DCHS1: variants seen among roughly 807,000 people sequenced by gnomAD.
DCHS1 encodes the protein dachsous cadherin-related 1.
A neutral mutation model predicts 213.9 loss-of-function variants in DCHS1; 78 were observed. That is an observed-to-expected ratio of 0.36 (90% CI 0.30 to 0.44). The LOEUF (loss-of-function observed/expected upper bound fraction) is 0.44, where lower values mean the gene tolerates loss of function less well. Ranked by LOEUF, DCHS1 falls within the 20% of genes least tolerant of loss-of-function variation. The pLI, the probability that DCHS1 is intolerant of heterozygous loss-of-function variation, is 1.00. For synonymous variants in DCHS1, 1,828 were observed against 1,873.7 expected (o/e 0.98, Z 0.63); for missense variants, 3,946 against 4,395.9 (o/e 0.90, Z 2.89).
rs777488867 is a variant in DCHS1, at chr11:6,627,025, C to T, written c.6014G>A (p.Gly2005Asp). The T allele has an allele frequency of 3.7e-6, 6 of 1,613,514 alleles. No homozygotes were observed. The Admixed American group carries it at 6.7e-5, about 18-fold the overall frequency. ...CACAGTAGTGCCAGGAGGTGGTGTG[C>T]CTGCCAGCCGGTACAGAATGGAAGC... is the stretch of plus-strand genomic sequence containing the variant. ...ANASILYRLA[G>D]TPPPGTTVDS... Residue 2005 changes from glycine to aspartate, a missense_variant, in exon 14 of 21, where the codon GGC becomes GAC. Gly to Asp is a moderately conservative substitution (Grantham distance 94). Transcript: ENST00000299441. This position sits in a 1 kb window ranked among gnomAD's most constrained non-coding sequence, Gnocchi z 5.4.
intron 2 of DCHS1, among the ~76,000 whole-genome samples, chr11:6,638,788 G>A (rs1049928823): frequency 6.6e-6 from 1 of 152,098 alleles, no homozygotes; most frequent in Non-Finnish European, 1.5e-5. Flanking sequence ...ATCAAGGAAC[G>A]ATCTGTCACA....
Position 6,624,835 on chromosome 11 carries a change from C to T in DCHS1, c.7180G>A (p.Ala2394Thr). Residue 2394 changes from alanine to threonine, a missense_variant, in exon 20 of 21, where the codon GCC (alanine) becomes ACC (threonine). Transcript: ENST00000299441. ...TCAGTGGCAGAGACGGAGAGAATGG[C>T]ACTGCCTGGGGGTGTGTGCTCAAGC... ...MLLEHTPPGS[A>T]ILSVSATDRD... The T allele has an allele frequency of 6.2e-7, 1 of 1,613,888 alleles. No homozygotes were observed. The highest frequency in any genetic ancestry group is 1.3e-5 in the African/African-American group (1 of 75,034).
intron 1 of DCHS1, among the ~76,000 whole-genome samples, chr11:6,642,639 TG>T (rs1206810204): frequency 6.0e-4 from 6 of 9,942 alleles, no homozygotes; most frequent in Admixed American, 5.5e-3. Flanking sequence ...TGGGGTGGGG[TG>T]GGGGGGGCAT....
In DCHS1 at chr11:6,655,545, G is replaced by A. The variant is rs1564873970; in HGVS notation, c.-121+18C>T. 2.3e-5 allele frequency: 23 copies of A among 980,936 alleles called. No homozygotes were observed. Among genetic ancestry groups the A allele is most frequent in the Non-Finnish European group, 2.8e-5 (23 of 828,092 alleles). The allele number at this position is 980,936 out of a possible 1,614,324, so 60.8% of individuals were successfully genotyped here. On this transcript the variant is annotated intron_variant, in intron 1 of 20. Coordinates refer to ENST00000299441, the MANE Select transcript of DCHS1 (RefSeq NM_003737.4). ...GGGCGGGCGCGGCCAGACGGGCCGGGCGGGCGCGGGCACTGACCTCCGCGC... is the reference window on the plus strand; with the variant it reads ...GGGCGGGCGCGGCCAGACGGGCCGGACGGGCGCGGGCACTGACCTCCGCGC...
rs758453554 is a variant in DCHS1 at position 6,640,641 on chromosome 11, G to A, written c.973C>T (p.Arg325Trp). The change falls in exon 2 of 21, where the codon CGG (arginine) becomes TGG (tryptophan). Residue 325 changes from arginine (R) to tryptophan (W), a missense_variant. By Grantham distance (101) the Arg-to-Trp change is moderately radical (BLOSUM62 -3). Coordinates refer to ENST00000299441, the MANE Select transcript of DCHS1 (RefSeq NM_003737.4). This position sits in a 1 kb window ranked among gnomAD's most constrained non-coding sequence, Gnocchi z 6.5. ...TGCACCACCAGTTCATGGACCCGCC[G>A]CTGCTCAAAGTCCAGTGGCCGCTCT... ...QLERPLDFEQ[R>W]RVHELVVQAR... 6.9e-5 allele frequency: 112 copies of A among 1,611,956 alleles called. 1 individual carries two copies. In the South Asian group the frequency reaches 1.0e-3, roughly 15 times the overall value.
Position 6,640,661 on chromosome 11 carries a change from C to T in DCHS1, c.953G>A (p.Arg318Gln), listed in dbSNP as rs1388707336. The T allele has an allele frequency of 8.7e-6, 14 of 1,612,808 alleles. No homozygotes were observed. Among genetic ancestry groups the T allele is most frequent in the Admixed American group, 5.0e-5 (3 of 60,002 alleles). ...DAHTGLLQLE[R>Q]PLDFEQRRVH... ...CCGCCGCTGCTCAAAGTCCAGTGGC[C>T]GCTCTAACTGCAGCAGCCCCGTGTG... The change falls in exon 2 of 21, where the codon CGG (arginine) becomes CAG (glutamine). Residue 318 changes from arginine to glutamine, a missense_variant. This residue lies in a region of DCHS1 where 3,384 missense variants were observed against 3,780.1 expected (regional missense o/e 0.90). Transcript: ENST00000299441. The surrounding 1 kb of genome is among the most constrained non-coding windows in gnomAD (Gnocchi z 6.5).
At chr11:6,637,224 T>C (rs968981457) in intron 2 of DCHS1, among the ~76,000 whole-genome samples, 21 of 152,300 alleles carry the variant, frequency 1.4e-4, no homozygotes, top group Middle Eastern at 3.4e-3. Context: ...GTTTCTCAAA[T>C]TGGCACTACT....
rs768548375 is a variant in DCHS1 at position 6,626,117 on chromosome 11, C to T, written c.6577-43G>A. On this transcript the variant is annotated intron_variant, in intron 16 of 20. Coordinates refer to ENST00000299441, the MANE Select transcript of DCHS1 (RefSeq NM_003737.4). The surrounding 1 kb of genome is among the most constrained non-coding windows in gnomAD (Gnocchi z 5.2). ...CTGCTGGGACTGGTCTGGCCACAGA[C>T]AAGTCTGACTAGCCCTGCTCCCCCG... 24 of 1,597,918 alleles carry T rather than the reference C, an allele frequency of 1.5e-5. No individual in the cohort carries two copies. The highest frequency in any genetic ancestry group is 2.0e-5 in the Non-Finnish European group (24 of 1,172,178).
Position 6,626,852 on chromosome 11 carries a change from C to T in DCHS1, c.6187G>A (p.Glu2063Lys). Residue 2063 changes from glutamate to lysine, a missense_variant, in exon 14 of 21, where the codon GAG becomes AAG. Coordinates refer to ENST00000299441, the MANE Select transcript of DCHS1 (RefSeq NM_003737.4). The surrounding 1 kb of genome is among the most constrained non-coding windows in gnomAD (Gnocchi z 5.2). ...VIIVGLQGEA[E>K]RGPRFPRASS... is the part of the protein sequence containing the mutation. ...GCCCGGGGAAAGCGGGGTCCACGCT[C>T]AGCTTCCCCCTGCAGTCCAACAATG... 6.2e-7 allele frequency: 1 copy of T among 1,613,454 alleles called. No homozygotes were observed. The highest frequency in any genetic ancestry group is 8.5e-7 in the Non-Finnish European group (1 of 1,179,878).
Position 6,632,389 on chromosome 11 carries a change from T to A in DCHS1, c.3123A>T (p.Ala1041=). Residue 1041 remains alanine, a synonymous_variant, in exon 6 of 21, where the codon GCA becomes GCT. Transcript: ENST00000299441. The surrounding 1 kb of genome is among the most constrained non-coding windows in gnomAD (Gnocchi z 5.9). ...PITYHLAAEG[A]SSPFGLEPQS... is the part of the protein sequence containing the mutation. ...GTGGCTCCAGGCCAAAGGGGCTACT[T>A]GCTCCCTCTGCTGCAAGGTGATAGG... The A allele has an allele frequency of 6.2e-7, 1 of 1,613,848 alleles. No homozygotes were observed.
rs1855888097 is a variant in DCHS1, at chr11:6,630,526, T to C, written c.4268A>G (p.Gln1423Arg). Residue 1423 changes from glutamine to arginine, a missense_variant, in exon 10 of 21, where the codon CAG becomes CGG. Transcript: ENST00000299441. ...GGAGARLLRV[Q>R]VQVQDENEHA... ...CTCATTCTCGTCCTGCACTTGCACC[T>C]GCACTCGCAGCAGCCGCGCGCCCGC... is the stretch of plus-strand genomic sequence containing the variant. 6.5e-7 allele frequency: 1 copy of C among 1,536,750 alleles called. No individual in the cohort carries two copies. The highest frequency in any genetic ancestry group is 1.2e-5 in the South Asian group (1 of 84,618).
At chr11:6,644,645 T>C (rs539450308) in intron 1 of DCHS1, among the ~76,000 whole-genome samples, 3 of 152,256 alleles carry the variant, frequency 2.0e-5, no homozygotes, top group Non-Finnish European at 4.4e-5. Context: ...GGTTAGCCTC[T>C]TGATTCTCCA....
chr11:6,634,164 T>G lies in DCHS1; in HGVS notation c.1940A>C (p.Asp647Ala). ...GAAGTCAAAGCTTGAGGGCCCCTGG[T>G]CACGGTCCAGGGTCCGGGTTGTGCA... Reference protein sequence around the residue: ...DVCTTRTLDRDQGPSSFDFTV... With the variant: ...DVCTTRTLDRAQGPSSFDFTV... Residue 647 changes from aspartate (D) to alanine (A), a missense_variant, in exon 3 of 21, where the codon GAC becomes GCC. By Grantham distance (126) the Asp-to-Ala change is moderately radical. Transcript: ENST00000299441. 1 of 1,611,392 alleles carries G rather than the reference T, an allele frequency of 6.2e-7. No homozygotes were observed. The highest frequency in any genetic ancestry group is 8.5e-7 in the Non-Finnish European group (1 of 1,178,088).
chr11:6,647,680 A>AGAGT (rs1468200867), intron 1 of DCHS1, among the ~76,000 whole-genome samples: 1 of 152,236 alleles, frequency 6.6e-6, no homozygotes, highest in African/African-American at 2.4e-5. Flanking sequence ...ATTGAGACTC[A>AGAGT]GAGTGAAACA....
chr11:6,644,597 A>G (rs1275865393), intron 1 of DCHS1, among the ~76,000 whole-genome samples: 2 of 152,236 alleles, frequency 1.3e-5, no homozygotes, highest in African/African-American at 2.4e-5. Context: ...TGCCCTCTGC[A>G]CTGGATTGGA....
intron 2 of DCHS1, among the ~76,000 whole-genome samples, chr11:6,639,593 C>T (rs1457410440): frequency 6.6e-6 from 1 of 152,212 alleles, no homozygotes; most frequent in Non-Finnish European, 1.5e-5. Context: ...TCTTAATTTC[C>T]TCACCTGCCA....
chr11:6,633,616 G>A lies in DCHS1; in HGVS notation c.2251C>T (p.Arg751Trp), dbSNP rs759188370. 2.5e-5 allele frequency: 40 copies of A among 1,599,040 alleles called. No individual in the cohort carries two copies. Among genetic ancestry groups the A allele is most frequent in the South Asian group, 1.2e-4 (11 of 89,090 alleles). ...LLTVAWPLAR[R>W]ANSVVQLEIG... is the part of the protein sequence containing the mutation. ...TCCAGCTGCACCACAGAATTGGCCC[G>A]TCTGGCCAAGGGCCAGGCTACTGTC... Residue 751 changes from arginine to tryptophan, a missense_variant, in exon 5 of 21, where the codon CGG (arginine) becomes TGG (tryptophan). Arg to Trp is a moderately radical substitution (Grantham distance 101, BLOSUM62 -3). Around this residue, in one of 3 missense-constraint regions of DCHS1, gnomAD observed 3,384 missense variants for 3,780.1 expected, o/e 0.90. Transcript: ENST00000299441.
At position 6,641,258 on chromosome 11, in the gene DCHS1, G is replaced by C; in HGVS notation, c.356C>G (p.Ala119Gly). ...TACGGTGGCACCATCAGGAGTGACT[G>C]CAGTGAAGCGGTAGCGGTCCCGCTG... ...REQRDRYRFTAVTPDGATVEV... is the reference protein window; with the variant it reads ...REQRDRYRFTGVTPDGATVEV... Residue 119 changes from alanine to glycine, a missense_variant, in exon 2 of 21, where the codon GCA becomes GGA. Around this residue, in one of 3 missense-constraint regions of DCHS1, gnomAD observed 3,384 missense variants for 3,780.1 expected, o/e 0.90. Transcript: ENST00000299441. This position sits in a 1 kb window ranked among gnomAD's most constrained non-coding sequence, Gnocchi z 7.1. 4 of 1,613,728 alleles carry C rather than the reference G, an allele frequency of 2.5e-6. No homozygotes were observed. The highest frequency in any genetic ancestry group is 3.4e-6 in the Non-Finnish European group (4 of 1,179,888).
At chr11:6,653,872 T>C (rs574334623) in intron 1 of DCHS1, among the ~76,000 whole-genome samples, 1 of 152,034 alleles carries the variant, frequency 6.6e-6, no homozygotes, top group East Asian at 1.9e-4. Flanking sequence ...TCAAAGAGTG[T>C]AATGGGAGCG....
Sources: allele counts gnomAD v4.1 joint callset (sites outside exome capture counted in the v4.1 genomes callset), GRCh38; gene constraint gnomAD v4.1.1; regional missense constraint gnomAD v4.1.1; non-coding constraint Gnocchi (gnomAD v3.1); transcripts MANE v1.5; gene names NCBI Gene and HGNC (gene_info 2026-07-23, HGNC 2026-07-21).